ACSM5: variants seen among roughly 807,000 people sequenced by gnomAD.
ACSM5 encodes the protein acyl-coenzyme A synthetase ACSM5, mitochondrial.
ACSM5 carries 56 observed loss-of-function variants against 71.6 expected under a neutral mutation model. That is an observed-to-expected ratio of 0.78 (90% confidence interval 0.63 to 0.98). The LOEUF (loss-of-function observed/expected upper bound fraction) is 0.98, where lower values mean the gene tolerates loss of function less well. ACSM5 is among the 50% of genes least tolerant of loss of function. The probability of loss-of-function intolerance (pLI) is 0.00; values close to 1 mark genes in which losing one functional copy is unlikely to be tolerated. For synonymous variants in ACSM5, 285 were observed against 281.5 expected, an observed-to-expected ratio of 1.01 and a Z score of -0.12; for missense variants, 723 against 726.0, an observed-to-expected ratio of 1.00 and a Z score of 0.05.
chr16:20,421,063 C>A (rs1966876493), intron 4 of ACSM5, 195 bp from the exon 5 acceptor site: 1 of 491,348 alleles, frequency 2.0e-6, no homozygotes, highest in Non-Finnish European at 3.2e-6. Flanking sequence ...GCCTCAGTTT[C>A]CTGGTCTGCA....
At chr16:20,433,424 A>G (rs1967138752) in intron 10 of ACSM5, among the ~76,000 whole-genome samples, 1 of 152,226 alleles carries the variant, frequency 6.6e-6, no homozygotes, top group Non-Finnish European at 1.5e-5. Context: ...TCCTAGGGAA[A>G]CAAATTATCA....
At chr16:20,438,701 A>T (rs1967252602) in intron 12 of ACSM5, among the ~76,000 whole-genome samples, 1 of 151,534 alleles carries the variant, frequency 6.6e-6, no homozygotes, top group Admixed American at 6.6e-5. Context: ...CATGTCTGTA[A>T]TCCCAGCACT....
intron 12 of ACSM5, among the ~76,000 whole-genome samples, chr16:20,437,950 C>G (rs1207027302): frequency 1.2e-4 from 17 of 147,486 alleles, no homozygotes; most frequent in African/African-American, 1.0e-4. Context: ...AGCACCCCCC[C>G]CAGTAGCTGG....
In ACSM5 at chr16:20,431,334, G is replaced by C. The variant is rs768927709; in HGVS notation, c.1308+13G>C. On this transcript the variant is annotated intron_variant, in intron 10 of 13. Coordinates refer to ENST00000331849, the MANE Select transcript of ACSM5 (RefSeq NM_017888.3). Reference sequence around the variant, plus strand: ...CAATTGCTATTTGGTAAGAGACGGGGAACAGCCGTTCTCATGACAGTGACT... The same window carrying C: ...CAATTGCTATTTGGTAAGAGACGGGCAACAGCCGTTCTCATGACAGTGACT... The C allele has an allele frequency of 1.2e-6, 2 of 1,600,242 alleles. No homozygotes were observed. The highest frequency in any genetic ancestry group is 2.2e-5 in the South Asian group (2 of 90,826).
At chr16:20,431,867 C>G (rs763617101) in intron 10 of ACSM5, among the ~76,000 whole-genome samples, 54 of 152,032 alleles carry the variant, frequency 3.6e-4, no homozygotes, top group Non-Finnish European at 5.6e-4. Context: ...AGGAGAATTG[C>G]TTGAACCAGG....
At chr16:20,424,354 A>T (rs1966936055) in intron 6 of ACSM5, among the ~76,000 whole-genome samples, 1 of 152,220 alleles carries the variant, frequency 6.6e-6, no homozygotes, top group Admixed American at 6.5e-5. Flanking sequence ...CCAAAACCCT[A>T]GGTATTTGTC....
chr16:20,428,108 A>C (rs1456462240), intron 7 of ACSM5, among the ~76,000 whole-genome samples: 1 of 152,170 alleles, frequency 6.6e-6, no homozygotes, highest in Non-Finnish European at 1.5e-5. Context: ...CTGGCCCCCC[A>C]AAATTTGCAT....
At chr16:20,423,861 C>G (rs1966924301) in intron 5 of ACSM5, 55 bp from the exon 6 acceptor site, 3 of 1,602,750 alleles carry the variant, frequency 1.9e-6, no homozygotes, top group East Asian at 2.2e-5. Flanking sequence ...TAATACAATC[C>G]TTTTTAAAGG....
intron 2 of ACSM5, among the ~76,000 whole-genome samples, chr16:20,416,369 A>C (rs1440720194): frequency 6.6e-6 from 1 of 152,144 alleles, no homozygotes; most frequent in African/African-American, 2.4e-5. Context: ...TGGCACTAGC[A>C]TAAGGATAGA....
At chr16:20,414,545 T>C (rs1303028673) in intron 2 of ACSM5, among the ~76,000 whole-genome samples, 1 of 152,242 alleles carries the variant, frequency 6.6e-6, no homozygotes, top group South Asian at 2.1e-4. Context: ...TTGAACTGTT[T>C]ATCTCCAGAA....
chr16:20,437,152 G>C lies in ACSM5; in HGVS notation c.1409G>C (p.Arg470Thr). Residue 470 changes from arginine to threonine, a missense_variant, in exon 11 of 14, where the codon AGA becomes ACA. Transcript: ENST00000331849. ...DKDGYFWFMG[R>T]NDDVINSSSY... ...GATGGCTACTTTTGGTTCATGGGAA[G>C]AAACGACGATGTGATCAATTCTTCA... The C allele has an allele frequency of 1.9e-6, 3 of 1,614,214 alleles. No homozygotes were observed. The highest frequency in any genetic ancestry group is 2.5e-6 in the Non-Finnish European group (3 of 1,180,032).
chr16:20,428,968 C>A (rs12051080), intron 7 of ACSM5, among the ~76,000 whole-genome samples: 72,419 of 150,938 alleles, frequency 0.48, 19,303 homozygotes, highest in East Asian at 0.77. Flanking sequence ...TTATCTTTTC[C>A]ATTTTCTTTT....
intron 3 of ACSM5, 86 bp downstream of exon 3, chr16:20,418,355 G>A (rs1418350412): frequency 3.0e-6 from 4 of 1,337,478 alleles, no homozygotes; most frequent in Non-Finnish European, 4.1e-6. Flanking sequence ...TGAAGATGGA[G>A]CAAAAATAAA....
chr16:20,417,886 C>G (rs538049767), intron 2 of ACSM5, among the ~76,000 whole-genome samples, 173 bp from the exon 3 acceptor site: 9 of 152,152 alleles, frequency 5.9e-5, no homozygotes, highest in African/African-American at 2.2e-4. Flanking sequence ...GAAAACAGGG[C>G]AGGTAGGTAT....
chr16:20,409,981 G>T (rs898686112), intron 1 of ACSM5, among the ~76,000 whole-genome samples: 5 of 152,098 alleles, frequency 3.3e-5, no homozygotes, highest in Admixed American at 3.3e-4. Flanking sequence ...TAGGCCTGGT[G>T]GCCACTGCAG....
intron 3 of ACSM5, among the ~76,000 whole-genome samples, chr16:20,418,782 T>TG (rs762909977): frequency 6.6e-6 from 1 of 152,218 alleles, no homozygotes; most frequent in African/African-American, 2.4e-5. Flanking sequence ...GAGGGACCCT[T>TG]ATAACCAATC....
In ACSM5 at chr16:20,440,733, G is replaced by C. The variant is rs530461766; in HGVS notation, c.*306G>C. On this transcript the variant is annotated 3_prime_UTR_variant, in exon 14 of 14. Transcript: ENST00000331849. The stretch of plus-strand genomic sequence containing the variant: ...AAGAGCTTTCAGATTTCCCTCCATA[G>C]GACAGGTTACCATAGACTTGGGGCA... 53 of 271,462 alleles carry C rather than the reference G, an allele frequency of 2.0e-4. No individual in the cohort carries two copies. Among genetic ancestry groups the C allele is most frequent in the Middle Eastern group, 2.5e-3 (2 of 796 alleles). The allele number at this position is 271,462 out of a possible 1,614,324, so 16.8% of individuals were successfully genotyped here. A position where few individuals can be genotyped will look rare whatever the true frequency, so the allele number is the denominator to read the frequency against.
intron 12 of ACSM5, among the ~76,000 whole-genome samples, chr16:20,438,956 A>C (rs1319339770): frequency 5.5e-5 from 3 of 55,004 alleles, no homozygotes; most frequent in African/African-American, 3.1e-4. Flanking sequence ...CTCTGTCTTA[A>C]AAAAAAAAAA....
rs1242700444 is a variant in ACSM5, at chr16:20,424,010, A to G, written c.862A>G (p.Asn288Asp). ...CTGGACTCTCTTCTCTGCCTGGCCT[A>G]ATGGATCTTGCATTTTTGTGCATGA... ...AAWTLFSAWP[N>D]GSCIFVHELP... The change falls in exon 6 of 14, where the codon AAT (asparagine) becomes GAT (aspartate). Residue 288 changes from asparagine to aspartate, a missense_variant. By Grantham distance (23) the Asn-to-Asp change is conservative. Coordinates refer to ENST00000331849, the MANE Select transcript of ACSM5 (RefSeq NM_017888.3). 1.2e-6 allele frequency: 2 copies of G among 1,614,026 alleles called. No homozygotes were observed. Among genetic ancestry groups the G allele is most frequent in the Admixed American group, 1.7e-5 (1 of 60,008 alleles).
Sources: allele counts gnomAD v4.1 joint callset (sites outside exome capture counted in the v4.1 genomes callset), GRCh38; gene constraint gnomAD v4.1.1; transcripts MANE v1.5; gene names NCBI Gene and HGNC (gene_info 2026-07-23, HGNC 2026-07-21).